The following MPRIP variants were observed in gnomAD, a reference collection of about 807,000 sequenced individuals.
MPRIP encodes the protein myosin phosphatase Rho-interacting protein.
MPRIP carries 59 observed loss-of-function variants against 234.9 expected under a neutral mutation model. That is an observed-to-expected ratio of 0.25 (90% confidence interval 0.20 to 0.31). The LOEUF is 0.31. MPRIP is among the 10% of genes least tolerant of loss of function. MPRIP has a pLI of 1.00. For missense variants in MPRIP, 2,436 were observed against 3,071.0 expected, an observed-to-expected ratio of 0.79 and a Z score of 4.89; for synonymous variants, 1,144 against 1,263.9, an observed-to-expected ratio of 0.91 and a Z score of 2.01.
chr17:17,146,013 G>C (rs1271151306), intron 9 of MPRIP, 23 bp from the exon 10 acceptor site: 1 of 1,612,744 alleles, frequency 6.2e-7, no homozygotes. Context: ...CCTCTGAGCT[G>C]TTCTTTTTTC....
intron 1 of MPRIP, 77 bp downstream of exon 1, chr17:17,043,048 C>T: frequency 2.1e-6 from 3 of 1,414,718 alleles, no homozygotes; most frequent in Admixed American, 1.9e-5. Flanking sequence ...CCAAGGGCTG[C>T]AGGGAAAATA....
chr17:17,054,800 G>A (rs952788710), intron 1 of MPRIP, among the ~76,000 whole-genome samples: 17 of 152,016 alleles, frequency 1.1e-4, no homozygotes, highest in African/African-American at 3.9e-4. Flanking sequence ...CTGTTATCCC[G>A]GAACTTTGGG....
chr17:17,168,200 G>T (rs1426982930), intron 16 of MPRIP: 2 of 307,084 alleles, frequency 6.5e-6, no homozygotes, highest in Non-Finnish European at 1.3e-5. Flanking sequence ...CCTGCCTAAT[G>T]CGGCCTCTCC....
intron 3 of MPRIP, among the ~76,000 whole-genome samples, chr17:17,109,876 G>A (rs1189541059): frequency 1.3e-5 from 2 of 152,174 alleles, no homozygotes; most frequent in South Asian, 2.1e-4. Flanking sequence ...CATGGGAGCC[G>A]GCTGAAAAGC....
chr17:17,132,046 C>G (rs2090607887), intron 5 of MPRIP, among the ~76,000 whole-genome samples: 1 of 152,214 alleles, frequency 6.6e-6, no homozygotes, highest in Non-Finnish European at 1.5e-5. Flanking sequence ...GACTCTGCAC[C>G]CACAGATGGC....
chr17:17,091,147 T>A (rs2089707246), intron 3 of MPRIP, among the ~76,000 whole-genome samples: 1 of 151,978 alleles, frequency 6.6e-6, no homozygotes, highest in Non-Finnish European at 1.5e-5. Flanking sequence ...CATGCTTGCC[T>A]GGCCCTGACT....
At chr17:17,107,920 C>T (rs570203545) in intron 3 of MPRIP, among the ~76,000 whole-genome samples, 4 of 152,310 alleles carry the variant, frequency 2.6e-5, no homozygotes, top group East Asian at 1.9e-4. Flanking sequence ...ATGGTATGCC[C>T]GCTTAGGGCC....
chr17:17,117,515 C>T (rs2090309564), intron 3 of MPRIP, among the ~76,000 whole-genome samples: 1 of 152,246 alleles, frequency 6.6e-6, no homozygotes, highest in Non-Finnish European at 1.5e-5. Context: ...CCAAGGTTTG[C>T]TCATGTTGGA....
chr17:17,082,950 T>G (rs2089499641), intron 3 of MPRIP, among the ~76,000 whole-genome samples: 1 of 152,194 alleles, frequency 6.6e-6, no homozygotes, highest in Admixed American at 6.5e-5. Flanking sequence ...CCCTCCTGAT[T>G]GTGGTAGGTC....
chr17:17,175,201 A>G (rs1402282453), intron 19 of MPRIP, 92 bp from the exon 20 acceptor site: 2 of 1,586,862 alleles, frequency 1.3e-6, no homozygotes, highest in Non-Finnish European at 1.7e-6. Flanking sequence ...ACAGATACAC[A>G]AAGAACCTAG....
rs748394005 is a variant in MPRIP at position 17,138,140 on chromosome 17, C to A, written c.961C>A (p.Leu321Ile). 8 of 1,399,072 alleles carry A rather than the reference C, an allele frequency of 5.7e-6. No individual in the cohort carries two copies. Among genetic ancestry groups the A allele is most frequent in the Non-Finnish European group, 7.8e-6 (8 of 1,029,026 alleles). The allele number at this position is 1,399,072 out of a possible 1,614,324, so 86.7% of individuals were successfully genotyped here. A position where few individuals can be genotyped will look rare whatever the true frequency, so the allele number is the denominator to read the frequency against. ...TCCTCTTCCTTCCCCAGGTCCTCGA[C>A]TCCCCCACCAAATGGTCTGCAGCAT... is the stretch of plus-strand genomic sequence containing the variant. ...GGPLPSPGPR[L>I]PHQMVCSISL... is the part of the protein sequence containing the mutation. The change falls in exon 7 of 24, where the codon CTC becomes ATC. Residue 321 changes from leucine to isoleucine, a missense_variant. Around this residue, in one of 4 missense-constraint regions of MPRIP, gnomAD observed 267 missense variants for 252.7 expected, o/e 1.06. Coordinates refer to ENST00000651222, the MANE Select transcript of MPRIP (RefSeq NM_001364716.4). This position sits in a 1 kb window ranked among gnomAD's most constrained non-coding sequence, Gnocchi z 5.8.
intron 22 of MPRIP, among the ~76,000 whole-genome samples, chr17:17,179,382 G>T (rs565610246): frequency 6.6e-6 from 1 of 151,994 alleles, no homozygotes; most frequent in Admixed American, 6.6e-5. Context: ...AGGAGGCAGA[G>T]GTTGCAGTGA....
intron 23 of MPRIP, chr17:17,182,734 C>T (rs2046398201): frequency 1.3e-5 from 2 of 152,572 alleles, no homozygotes; most frequent in Admixed American, 1.3e-4. Flanking sequence ...AGGGCGCTCC[C>T]CTCCCCTGGG....
intron 3 of MPRIP, among the ~76,000 whole-genome samples, chr17:17,113,841 C>G (rs955897384): frequency 4.0e-5 from 6 of 149,878 alleles, no homozygotes; most frequent in Non-Finnish European, 5.9e-5. Flanking sequence ...GAACTAGCAT[C>G]TCATTGTGGC....
chr17:17,126,937 G>A, intron 4 of MPRIP, 84 bp downstream of exon 4: 1 of 1,502,700 alleles, frequency 6.7e-7, no homozygotes, highest in Non-Finnish European at 9.1e-7. Context: ...CTGTGGCAGT[G>A]TCGATGTTGT....
chr17:17,118,979 C>G (rs895377531), intron 3 of MPRIP, among the ~76,000 whole-genome samples: 1 of 152,130 alleles, frequency 6.6e-6, no homozygotes, highest in African/African-American at 2.4e-5. Flanking sequence ...AGATCGGGCT[C>G]CTAGAAGCAG....
chr17:17,068,850 C>T (rs1043594977), intron 1 of MPRIP, among the ~76,000 whole-genome samples: 1 of 152,156 alleles, frequency 6.6e-6, no homozygotes, highest in South Asian at 2.1e-4. Context: ...CTACTTTTAT[C>T]TTTTATTATT....
intron 3 of MPRIP, among the ~76,000 whole-genome samples, chr17:17,104,866 C>T (rs2090033309): frequency 6.6e-6 from 1 of 152,116 alleles, no homozygotes; most frequent in Admixed American, 6.5e-5. Flanking sequence ...TTCATTATTT[C>T]CCTGAGCCCA....
chr17:17,082,236 C>T (rs2089477683), intron 3 of MPRIP, among the ~76,000 whole-genome samples: 1 of 148,636 alleles, frequency 6.7e-6, no homozygotes, highest in African/African-American at 2.5e-5. Context: ...CTTTGGGATT[C>T]TCAAGGGCCT....
Sources: allele counts gnomAD v4.1 joint callset (sites outside exome capture counted in the v4.1 genomes callset), GRCh38; gene constraint gnomAD v4.1.1; regional missense constraint gnomAD v4.1.1; non-coding constraint Gnocchi (gnomAD v3.1); transcripts MANE v1.5; gene names NCBI Gene and HGNC (gene_info 2026-07-23, HGNC 2026-07-21).